NCOR2: variants seen among roughly 807,000 people sequenced by gnomAD.
NCOR2 encodes the protein CTG repeat protein 26.
In NCOR2, 81 loss-of-function variants were observed where a neutral mutation model predicts 262.9. The observed-to-expected ratio is 0.31, with a 90% CI of 0.26 to 0.37. NCOR2 has a LOEUF of 0.37. Ranked by LOEUF, NCOR2 falls within the 10% of genes least tolerant of loss-of-function variation. The probability of loss-of-function intolerance (pLI) is 1.00; values close to 1 mark genes in which losing one functional copy is unlikely to be tolerated. For synonymous variants in NCOR2, 1,659 were observed against 1,559.3 expected (o/e 1.06, Z -1.51); for missense variants, 3,385 against 3,621.4 (o/e 0.93, Z 1.68).
At chr12:124,500,106 G>A (rs191268629), upstream of NCOR2, among the ~76,000 whole-genome samples, 22 of 152,248 alleles carry the variant, frequency 1.4e-4, no homozygotes, top group African/African-American at 2.9e-4. Context: ...TCAGGCCTCC[G>A]AGGAGAACAA....
chr12:124,365,716 T>C (rs1593232671), intron 20 of NCOR2, among the ~76,000 whole-genome samples: 1 of 133,828 alleles, frequency 7.5e-6, no homozygotes, highest in Non-Finnish European at 1.6e-5. Context: ...GCCAGCCCAC[T>C]CTCCTCCCTC....
chr12:124,339,396 C>G (rs1435573318), intron 37 of NCOR2, among the ~76,000 whole-genome samples: 5 of 150,472 alleles, frequency 3.3e-5, no homozygotes, highest in Non-Finnish European at 7.4e-5. Context: ...ACCTACCTAC[C>G]TACCTACCAC....
chr12:124,400,428 G>T (rs80225634), intron 15 of NCOR2, 73 bp downstream of exon 17: 4 of 1,561,100 alleles, frequency 2.6e-6, no homozygotes, highest in Non-Finnish European at 3.5e-6. Flanking sequence ...CAAATTGCAC[G>T]AAACTTTCAT....
intron 22 of NCOR2, among the ~76,000 whole-genome samples, chr12:124,357,661 T>C (rs968852885): frequency 2.6e-5 from 4 of 152,256 alleles, no homozygotes; most frequent in Non-Finnish European, 5.9e-5. Flanking sequence ...TTATGTATTG[T>C]CTATGGCAGA....
chr12:124,334,679 T>C, intron 40 of NCOR2, 62 bp from the exon 43 acceptor site: 1 of 404,804 alleles, frequency 2.5e-6, no homozygotes, highest in Non-Finnish European at 3.9e-6. Flanking sequence ...CTTCTGGGGG[T>C]GGGGAGGGGC....
At chr12:124,431,404 A>ACAGG (rs1481426316) in intron 8 of NCOR2, among the ~76,000 whole-genome samples, 1 of 150,660 alleles carries the variant, frequency 6.6e-6, no homozygotes, top group Non-Finnish European at 1.5e-5. Flanking sequence ...AGACAGATAC[A>ACAGG]CAGGCAGACA....
chr12:124,441,626 G>GA (rs2044814805), intron 7 of NCOR2, among the ~76,000 whole-genome samples: 1 of 152,228 alleles, frequency 6.6e-6, no homozygotes, highest in Non-Finnish European at 1.5e-5. Flanking sequence ...CAGTCTCAAA[G>GA]AATCTCCCCG....
intron 1 of NCOR2, among the ~76,000 whole-genome samples, chr12:124,521,106 A>G (rs558914956): frequency 1.2e-3 from 181 of 149,570 alleles, no homozygotes; most frequent in Admixed American, 3.2e-3. Context: ...TGTGGGGCCC[A>G]GGGGGGAGGT....
At chr12:124,559,711 GACAA>G (rs1273304356) in intron 1 of NCOR2, among the ~76,000 whole-genome samples, 2 of 152,184 alleles carry the variant, frequency 1.3e-5, no homozygotes, top group Non-Finnish European at 2.9e-5. Flanking sequence ...AAAAATGAGA[GACAA>G]ACAAATCCAA....
At chr12:124,567,570 T>G (rs1865586728), upstream of NCOR2, 1 of 145,290 alleles carries the variant, frequency 6.9e-6, no homozygotes, top group Non-Finnish European at 1.5e-5. Flanking sequence ...CGGCCCGGCC[T>G]GCCCGCGGCT....
At chr12:124,390,047 G>C (rs1298804477) in intron 16 of NCOR2, among the ~76,000 whole-genome samples, 1 of 152,104 alleles carries the variant, frequency 6.6e-6, no homozygotes, top group Non-Finnish European at 1.5e-5. Flanking sequence ...GGCGTCTCTG[G>C]AATGTCCCTG....
intron 17 of NCOR2, among the ~76,000 whole-genome samples, chr12:124,381,318 G>T (rs1161718945): frequency 6.6e-6 from 1 of 152,052 alleles, no homozygotes; most frequent in East Asian, 1.9e-4. Context: ...ACCTCCTTCG[G>T]GCCTTAGCTC....
At chr12:124,486,386 C>T (rs2047769032) in intron 2 of NCOR2, 55 bp downstream of exon 4, 2 of 1,601,370 alleles carry the variant, frequency 1.2e-6, no homozygotes, top group African/African-American at 1.3e-5. Flanking sequence ...TCTGCTTCTC[C>T]ATCTGAGAAG....
intron 5 of NCOR2, among the ~76,000 whole-genome samples, chr12:124,465,396 A>G (rs1289049918): frequency 6.6e-6 from 1 of 152,176 alleles, no homozygotes; most frequent in Non-Finnish European, 1.5e-5. Context: ...TTACCACCTC[A>G]CCAGACACAA....
At chr12:124,329,321 G>A (rs982720065) in intron 44 of NCOR2, among the ~76,000 whole-genome samples, 4 of 152,140 alleles carry the variant, frequency 2.6e-5, no homozygotes, top group African/African-American at 7.2e-5. Context: ...AATTAGCCAG[G>A]TGTAGTGGCG....
At chr12:124,331,012 A>G (rs910212179) in intron 43 of NCOR2, 114 bp from the exon 46 acceptor site, 5 of 1,062,360 alleles carry the variant, frequency 4.7e-6, no homozygotes, top group African/African-American at 1.6e-5. Context: ...AAACTTGTGC[A>G]TTGCAGGTTC....
At chr12:124,475,488 A>G (rs76462134) in intron 3 of NCOR2, among the ~76,000 whole-genome samples, 2,461 of 152,356 alleles carry the variant, frequency 0.016, 62 homozygotes, top group African/African-American at 0.056. Flanking sequence ...AAAGGGCCAG[A>G]TGGTAAAAAT....
chr12:124,360,838 C>T (rs1381094830), intron 22 of NCOR2, among the ~76,000 whole-genome samples: 2 of 152,138 alleles, frequency 1.3e-5, no homozygotes, highest in African/African-American at 2.4e-5. Context: ...TCACTCAACC[C>T]GTTTTGTTTC....
chr12:124,346,559 C>T lies in NCOR2; in HGVS notation c.4359+5G>A, dbSNP rs775439377. ...TGGGCCCGTGTGCCTGGCCCTGGGC[C>T]ATACCTGCGTGATGGAGCCCTCCTT... On this transcript the variant is annotated splice_donor_5th_base_variant and intron_variant, in intron 31 of 46. Transcript: ENST00000405201. The T allele has an allele frequency of 4.6e-6, 7 of 1,538,096 alleles. No homozygotes were observed.
Sources: gnomAD v4.1 joint callset for allele counts (sites outside exome capture counted in the v4.1 genomes callset) on GRCh38, gnomAD v4.1.1 for gene constraint, MANE v1.5 for transcripts, NCBI Gene and HGNC (gene_info 2026-07-23, HGNC 2026-07-21) for gene names.